The following PRKACA variants were observed in gnomAD, a reference collection of about 807,000 sequenced individuals.
PRKACA encodes cAMP-dependent protein kinase catalytic subunit alpha.
A neutral mutation model predicts 45.8 loss-of-function variants in PRKACA; 9 were observed. The observed-to-expected ratio is 0.20, with a 90% CI of 0.12 to 0.34. PRKACA has a LOEUF of 0.34. Ranked by LOEUF, PRKACA falls within the 10% of genes least tolerant of loss-of-function variation. PRKACA has a pLI of 1.00. For synonymous variants in PRKACA, 160 were observed against 178.6 expected (o/e 0.90, Z 0.83); for missense variants, 238 against 458.6 (o/e 0.52, Z 4.39).
At chr19:14,113,516 G>A (rs1161054958) in intron 1 of PRKACA, among the ~76,000 whole-genome samples, 1 of 152,144 alleles carries the variant, frequency 6.6e-6, no homozygotes, top group Non-Finnish European at 1.5e-5. Context: ...CTAGAAACTC[G>A]CCCTGGGAAT....
intron 1 of PRKACA, among the ~76,000 whole-genome samples, chr19:14,112,895 C>T (rs750132498): frequency 3.9e-5 from 6 of 152,146 alleles, no homozygotes; most frequent in Non-Finnish European, 2.9e-5. Flanking sequence ...CAGCCAGAGA[C>T]TCCTTAGGGG....
At chr19:14,098,195 A>G (rs988472602) in intron 5 of PRKACA, 1 of 280,636 alleles carries the variant, frequency 3.6e-6, no homozygotes, top group Non-Finnish European at 6.9e-6. Context: ...GTTAAGCAAA[A>G]GAAGACACAA....
chr19:14,107,332 C>T lies in PRKACA; in HGVS notation c.108+16G>A, dbSNP rs779856463. The T allele has an allele frequency of 2.5e-6, 4 of 1,612,154 alleles. No homozygotes were observed. Among genetic ancestry groups the T allele is most frequent in the African/African-American group, 1.3e-5 (1 of 74,892 alleles). ...GCAGCTCACCCCTCCCTGGGCTCTGCACCCGGCAGCCTTACCTGAGCGGGA... is the reference window on the plus strand; with the variant it reads ...GCAGCTCACCCCTCCCTGGGCTCTGTACCCGGCAGCCTTACCTGAGCGGGA... On this transcript the variant is annotated intron_variant, in intron 2 of 9. Transcript: ENST00000308677.
At chr19:14,113,508 A>G (rs950592707) in intron 1 of PRKACA, among the ~76,000 whole-genome samples, 3 of 152,200 alleles carry the variant, frequency 2.0e-5, no homozygotes, top group African/African-American at 7.2e-5. Context: ...GCAGAAATCT[A>G]GAAACTCGCC....
intron 1 of PRKACA, among the ~76,000 whole-genome samples, chr19:14,109,616 A>G (rs1290201839): frequency 2.7e-5 from 4 of 149,246 alleles, no homozygotes; most frequent in Admixed American, 1.3e-4. Context: ...AGACTCGTCT[A>G]AGAAAAAAAA....
intron 1 of PRKACA, chr19:14,107,752 T>G: frequency 1.9e-6 from 2 of 1,057,096 alleles, no homozygotes; most frequent in East Asian, 7.9e-5. Context: ...GAGGTATTTA[T>G]AGCCTTGGGA....
Position 14,102,872 on chromosome 19 carries a change from G to T in PRKACA, c.280C>A (p.Arg94Ser), listed in dbSNP as rs748763072. 6.2e-7 allele frequency: 1 copy of T among 1,614,060 alleles called. No homozygotes were observed. Among genetic ancestry groups the T allele is most frequent in the African/African-American group, 1.3e-5 (1 of 74,932 alleles). Residue 94 changes from arginine (R) to serine (S), a missense_variant, in exon 4 of 10, where the codon CGC (arginine) becomes AGC (serine). By Grantham distance (110) the Arg-to-Ser change is moderately radical (BLOSUM62 -1). This residue lies in a region of PRKACA where 93 missense variants were observed against 149.1 expected (regional missense o/e 0.62). Coordinates refer to ENST00000308677, the MANE Select transcript of PRKACA (RefSeq NM_002730.4). ...GGAAAGTTGACAGCTTGCAGGATGC[G>T]CTTTTCATTCAGGGTGTGTTCGATC... ...KQIEHTLNEK[R>S]ILQAVNFPFL...
In PRKACA at chr19:14,097,287, C is replaced by A. The variant is rs760352897; in HGVS notation, c.765+74G>T. ...GATTATTCTGACAACAAGCAGGGCT[C>A]CCCAGGGAATAGGATGGGTGAGCAG... On this transcript the variant is annotated intron_variant, in intron 8 of 9. Transcript: ENST00000308677. The surrounding 1 kb of genome is among the most constrained non-coding windows in gnomAD (Gnocchi z 5.4). 1.2e-6 allele frequency: 2 copies of A among 1,605,154 alleles called. No homozygotes were observed. Among genetic ancestry groups the A allele is most frequent in the Non-Finnish European group, 1.7e-6 (2 of 1,173,198 alleles).
intron 1 of PRKACA, 72 bp downstream of exon 1, chr19:14,117,430 G>C: frequency 8.1e-7 from 1 of 1,237,012 alleles, no homozygotes; most frequent in Non-Finnish European, 1.0e-6. Flanking sequence ...AGGGGGAGGG[G>C]CCAGGCGATG....
intron 4 of PRKACA, 66 bp downstream of exon 4, chr19:14,102,750 G>A (rs1977480304): frequency 7.1e-7 from 1 of 1,398,718 alleles, no homozygotes; most frequent in East Asian, 2.3e-5. Context: ...TCCGACCCCA[G>A]CCCTGGGGGC....
intron 1 of PRKACA, among the ~76,000 whole-genome samples, chr19:14,109,999 T>TATACAC (rs1555774928): frequency 1.8e-4 from 10 of 55,468 alleles, no homozygotes; most frequent in Non-Finnish European, 2.7e-4. Context: ...TATATATATA[T>TATACAC]ACACACACAC....
At chr19:14,093,326 A>G in intron 9 of PRKACA, 89 bp from the exon 10 acceptor site, 2 of 1,509,060 alleles carry the variant, frequency 1.3e-6, no homozygotes, top group Non-Finnish European at 1.8e-6. Flanking sequence ...CATTCAAGAG[A>G]TATTTACTCT....
chr19:14,114,339 G>A (rs991251470), intron 1 of PRKACA, among the ~76,000 whole-genome samples: 2 of 152,096 alleles, frequency 1.3e-5, no homozygotes, highest in African/African-American at 4.8e-5. Context: ...GGACAGATAG[G>A]GCCCTCCGAG....
chr19:14,104,595 C>T (rs1251199262), intron 3 of PRKACA, among the ~76,000 whole-genome samples: 3 of 149,888 alleles, frequency 2.0e-5, no homozygotes, highest in Non-Finnish European at 4.4e-5. Flanking sequence ...ACTCAGGAGG[C>T]TGAGGCAGAA....
At position 14,117,592 on chromosome 19, in the gene PRKACA, G is replaced by T. The variant is rs1308645132; in HGVS notation, c.-45C>A. Reference sequence around the variant, plus strand: ...GCCGGTCCCGGAGCTGCGGCGCGGCGGGTGCTGGCTGCGGCCGGCGGCCCC... The same window carrying T: ...GCCGGTCCCGGAGCTGCGGCGCGGCTGGTGCTGGCTGCGGCCGGCGGCCCC... On this transcript the variant is annotated 5_prime_UTR_variant, in exon 1 of 10. Transcript: ENST00000308677. 9.9e-6 allele frequency: 10 copies of T among 1,005,356 alleles called. No individual in the cohort carries two copies. The highest frequency in any genetic ancestry group is 1.2e-5 in the Non-Finnish European group (10 of 841,010). 62.3% of individuals were successfully genotyped at this position (1,005,356 alleles called of 1,614,324 possible).
chr19:14,114,209 A>C, intron 1 of PRKACA: 1 of 1,593,996 alleles, frequency 6.3e-7, no homozygotes, highest in Non-Finnish European at 8.5e-7. Flanking sequence ...AAGGCTCATG[A>C]GACCTGCCGT....
chr19:14,109,427 G>A (rs151061687), intron 1 of PRKACA, among the ~76,000 whole-genome samples: 7,365 of 151,850 alleles, frequency 0.049, 608 homozygotes, highest in African/African-American at 0.17. Flanking sequence ...CAGCCTAGGC[G>A]ACGGGGCGAG....
At chr19:14,114,416 C>T (rs1451108472) in intron 1 of PRKACA, among the ~76,000 whole-genome samples, 2 of 152,164 alleles carry the variant, frequency 1.3e-5, no homozygotes, top group East Asian at 3.9e-4. Context: ...ACCCATACAA[C>T]TGCCAAGGCA....
At chr19:14,111,931 A>C (rs1163868462) in intron 1 of PRKACA, among the ~76,000 whole-genome samples, 2 of 152,198 alleles carry the variant, frequency 1.3e-5, no homozygotes, top group African/African-American at 4.8e-5. Context: ...CTTTGCTCTT[A>C]GCAAAAAGGA....
Sources: gnomAD v4.1 joint callset for allele counts (sites outside exome capture counted in the v4.1 genomes callset) on GRCh38, gnomAD v4.1.1 for gene constraint, gnomAD v4.1.1 regional missense constraint, Gnocchi (gnomAD v3.1) non-coding constraint, MANE v1.5 for transcripts, NCBI Gene and HGNC (gene_info 2026-07-23, HGNC 2026-07-21) for gene names.